RYR2: variants seen among roughly 807,000 people sequenced by gnomAD.
The protein encoded by RYR2 is cardiac muscle ryanodine receptor-calcium release channel.
RYR2 carries 227 observed loss-of-function variants against 601.1 expected under a neutral mutation model. The ratio of observed to expected loss-of-function variants is 0.38; its 90% confidence interval spans 0.34 to 0.42. The LOEUF (loss-of-function observed/expected upper bound fraction) is 0.42. Among genes scored for constraint, RYR2 ranks in the 10% least tolerant of loss-of-function variants. The pLI, the probability that RYR2 is intolerant of heterozygous loss-of-function variation, is 1.00. For missense variants in RYR2, 4,646 were observed against 6,156.5 expected (o/e 0.75, Z 8.21); for synonymous variants, 2,223 against 2,175.1 (o/e 1.02, Z -0.61).
At chr1:237,444,985 A>G (rs1347002803) in intron 13 of RYR2, among the ~76,000 whole-genome samples, 1 of 152,082 alleles carries the variant, frequency 6.6e-6, no homozygotes, top group Non-Finnish European at 1.5e-5. Context: ...CAGTCGTTCA[A>G]TGTAGATATG....
chr1:237,102,452 C>T (rs1668218753), intron 1 of RYR2, among the ~76,000 whole-genome samples: 1 of 152,180 alleles, frequency 6.6e-6, no homozygotes, highest in Non-Finnish European at 1.5e-5. Flanking sequence ...ACACTTACTG[C>T]TCATTTAGTA....
chr1:237,216,328 C>T (rs1193512749), intron 1 of RYR2, among the ~76,000 whole-genome samples: 2 of 152,058 alleles, frequency 1.3e-5, no homozygotes, highest in African/African-American at 4.8e-5. Flanking sequence ...AGTTTGAAAA[C>T]AAAATTATCT....
chr1:237,447,801 C>T (rs1657560166), intron 14 of RYR2, among the ~76,000 whole-genome samples: 2 of 149,516 alleles, frequency 1.3e-5, no homozygotes. Flanking sequence ...CTTTCCTTCC[C>T]TCCTTCCTTC....
chr1:237,393,393 T>C (rs1702553175), intron 10 of RYR2, among the ~76,000 whole-genome samples: 1 of 152,206 alleles, frequency 6.6e-6, no homozygotes, highest in Non-Finnish European at 1.5e-5. Context: ...TAGTTGTAAA[T>C]AATTGATAAG....
chr1:237,363,916 T>G (rs1396559171), intron 4 of RYR2, among the ~76,000 whole-genome samples: 1 of 152,202 alleles, frequency 6.6e-6, no homozygotes. Flanking sequence ...GTTTACGATC[T>G]ACCTTACCTG....
intron 101 of RYR2, among the ~76,000 whole-genome samples, chr1:237,827,203 G>A (rs980834970): frequency 1.3e-5 from 2 of 152,116 alleles, no homozygotes; most frequent in African/African-American, 4.8e-5. Context: ...TTCTAAGAGG[G>A]CAAAGTTATA....
chr1:237,082,305 G>GCACA (rs1665798644), intron 1 of RYR2, among the ~76,000 whole-genome samples: 6 of 142,706 alleles, frequency 4.2e-5, no homozygotes, highest in African/African-American at 1.8e-4. Flanking sequence ...CACTAAGCAT[G>GCACA]ACTCTATTCT....
chr1:237,144,365 C>T (rs2148775675), intron 1 of RYR2, among the ~76,000 whole-genome samples: 1 of 152,200 alleles, frequency 6.6e-6, no homozygotes, highest in Non-Finnish European at 1.5e-5. Context: ...TTAACTCATT[C>T]CTATCTTTAT....
chr1:237,199,848 T>C (rs192617305), intron 1 of RYR2, among the ~76,000 whole-genome samples: 29 of 152,354 alleles, frequency 1.9e-4, no homozygotes, highest in African/African-American at 7.0e-4. Flanking sequence ...TGAATATTAA[T>C]GTTTTCTACT....
chr1:237,236,962 C>T (rs997922645), intron 1 of RYR2, among the ~76,000 whole-genome samples: 15 of 152,010 alleles, frequency 9.9e-5, no homozygotes, highest in African/African-American at 3.6e-4. Flanking sequence ...CCTGTAATAC[C>T]CATATGTCAA....
chr1:237,597,184 G>T (rs1411669400), intron 34 of RYR2, among the ~76,000 whole-genome samples: 2 of 152,086 alleles, frequency 1.3e-5, no homozygotes, highest in East Asian at 3.9e-4. Context: ...AGTCAAAATT[G>T]TCAAAAGTAA....
At chr1:237,441,617 C>T in intron 13 of RYR2, 134 bp downstream of exon 13, 1 of 698,706 alleles carries the variant, frequency 1.4e-6, no homozygotes, top group Non-Finnish European at 2.3e-6. Context: ...GGGCAGATTC[C>T]ACTGTAATAG....
At chr1:237,066,166 A>G (rs1320881997) in intron 1 of RYR2, among the ~76,000 whole-genome samples, 2 of 152,234 alleles carry the variant, frequency 1.3e-5, no homozygotes, top group Non-Finnish European at 2.9e-5. Flanking sequence ...CTATGGACAT[A>G]CCACATTTTG....
intron 1 of RYR2, among the ~76,000 whole-genome samples, chr1:237,258,677 C>T (rs1275055586): frequency 6.6e-6 from 1 of 152,080 alleles, no homozygotes; most frequent in Non-Finnish European, 1.5e-5. Flanking sequence ...TCTTAGTTGG[C>T]AGGAACTAAA....
chr1:237,804,006 G>T (rs945401922), intron 98 of RYR2, among the ~76,000 whole-genome samples: 6 of 152,224 alleles, frequency 3.9e-5, no homozygotes, highest in African/African-American at 1.4e-4. Context: ...ATAAATTGGG[G>T]CTAAACGTGC....
intron 50 of RYR2, among the ~76,000 whole-genome samples, chr1:237,651,028 C>T (rs1483527104): frequency 6.6e-6 from 1 of 152,080 alleles, no homozygotes; most frequent in Non-Finnish European, 1.5e-5. Context: ...CCTTTCTGTT[C>T]CAATATTCCC....
chr1:237,252,721 C>T (rs1005983234), intron 1 of RYR2, among the ~76,000 whole-genome samples: 3 of 152,208 alleles, frequency 2.0e-5, no homozygotes, highest in Non-Finnish European at 4.4e-5. Context: ...TTGTGACAAT[C>T]CTCTAAGGTG....
At chr1:237,817,891 G>A (rs761156305) in intron 100 of RYR2, among the ~76,000 whole-genome samples, 1 of 152,166 alleles carries the variant, frequency 6.6e-6, no homozygotes. Context: ...ATTAAGTCAG[G>A]GTATCTGGAA....
intron 25 of RYR2, among the ~76,000 whole-genome samples, chr1:237,541,927 C>T (rs1408797765): frequency 6.6e-6 from 1 of 152,108 alleles, no homozygotes; most frequent in African/African-American, 2.4e-5. Flanking sequence ...AGGGCATTTT[C>T]ACTTCTTTTG....
Sources: allele counts gnomAD v4.1 joint callset (sites outside exome capture counted in the v4.1 genomes callset), GRCh38; gene constraint gnomAD v4.1.1; transcripts MANE v1.5; gene names NCBI Gene and HGNC (gene_info 2026-07-23, HGNC 2026-07-21).